ATP11B: variants seen among roughly 807,000 people sequenced by gnomAD.
ATP11B encodes the protein phospholipid-transporting ATPase IF.
In ATP11B, 81 loss-of-function variants were observed where a neutral mutation model predicts 157.8. That is an observed-to-expected ratio of 0.51 (90% CI 0.43 to 0.62). The LOEUF (loss-of-function observed/expected upper bound fraction) is 0.62. Among genes scored for constraint, ATP11B ranks in the 20% least tolerant of loss-of-function variants. The pLI, the probability that ATP11B is intolerant of heterozygous loss-of-function variation, is 0.00. For synonymous variants in ATP11B, 451 were observed against 469.4 expected, an observed-to-expected ratio of 0.96 and a Z score of 0.51; for missense variants, 1,165 against 1,402.2, an observed-to-expected ratio of 0.83 and a Z score of 2.70.
intron 2 of ATP11B, among the ~76,000 whole-genome samples, chr3:182,823,753 A>G (rs1717530831): frequency 6.6e-6 from 1 of 152,116 alleles, no homozygotes; most frequent in Admixed American, 6.5e-5. Flanking sequence ...ATGGCCATGG[A>G]ATGTTCATCC....
At chr3:182,874,111 T>A in intron 19 of ATP11B, 96 bp downstream of exon 19, 1 of 1,042,872 alleles carries the variant, frequency 9.6e-7, no homozygotes, top group Non-Finnish European at 1.4e-6. Flanking sequence ...GCCTGTTTTT[T>A]ACAGCCTATC....
intron 3 of ATP11B, 96 bp downstream of exon 3, chr3:182,828,305 C>A: frequency 1.8e-6 from 1 of 562,042 alleles, no homozygotes. Flanking sequence ...AATCATTTGA[C>A]CATGTGACCA....
chr3:182,828,054 T>C, intron 2 of ATP11B, 66 bp from the exon 3 acceptor site: 1 of 678,288 alleles, frequency 1.5e-6, no homozygotes, highest in South Asian at 4.1e-5. Flanking sequence ...ACTTTACTTC[T>C]TAATATTATG....
In ATP11B at chr3:182,837,129, T is replaced by C. The variant is rs1718615593; in HGVS notation, c.611T>C (p.Leu204Pro). 1.9e-6 allele frequency: 3 copies of C among 1,613,444 alleles called. No individual in the cohort carries two copies. The highest frequency in any genetic ancestry group is 2.5e-6 in the Non-Finnish European group (3 of 1,179,540). ...LLQTVANLDT[L>P]VAVIECQQPE... ...CAAACAGTTGCCAATTTGGACACTC[T>C]AGTAGCTGTAATAGAATGCCAGCAA... Residue 204 changes from leucine (L) to proline (P), a missense_variant, in exon 7 of 30, where the codon CTA becomes CCA. Around this residue, in one of 4 missense-constraint regions of ATP11B, gnomAD observed 737 missense variants for 930.5 expected, o/e 0.79. Coordinates refer to ENST00000323116, the MANE Select transcript of ATP11B (RefSeq NM_014616.3).
chr3:182,915,064 T>C (rs948563260), intron 29 of ATP11B: 3 of 985,380 alleles, frequency 3.0e-6, no homozygotes, highest in Non-Finnish European at 3.6e-6. Context: ...TACTCCTATC[T>C]ACTGGAAAAA....
intron 9 of ATP11B, among the ~76,000 whole-genome samples, chr3:182,846,898 G>A (rs1041244463): frequency 3.9e-5 from 6 of 152,134 alleles, no homozygotes; most frequent in Middle Eastern, 3.4e-3. Flanking sequence ...AATTATAAAC[G>A]TACTAAGTGC....
chr3:182,850,329 C>T lies in ATP11B; in HGVS notation c.851+1772C>T, dbSNP rs551780818. ...CTCTACTAAAAATACAAAAATCAGC[C>T]GGGTGTGGTGGCGGGTGCCTGTAGT... On this transcript the variant is annotated intron_variant, in intron 10 of 29. Transcript: ENST00000323116. Among the ~76,000 whole-genome samples the T allele has an allele frequency of 1.1e-4, 17 of 152,036 alleles. No individual in the cohort carries two copies. In the South Asian group the frequency reaches 2.7e-3, roughly 24 times the overall value.
At chr3:182,829,048 G>A (rs1221534046) in intron 3 of ATP11B, among the ~76,000 whole-genome samples, 2 of 152,054 alleles carry the variant, frequency 1.3e-5, no homozygotes, top group Admixed American at 6.6e-5. Flanking sequence ...AACAGACAAG[G>A]AACTTCTGAT....
chr3:182,917,992 G>A (rs779094580), intron 29 of ATP11B, 31 bp from the exon 30 acceptor site: 7 of 1,610,534 alleles, frequency 4.3e-6, no homozygotes, highest in East Asian at 2.2e-5. Flanking sequence ...AGGTCCTGGT[G>A]AGCCAAACTT....
At chr3:182,832,874 G>A (rs1333023617) in intron 4 of ATP11B, among the ~76,000 whole-genome samples, 1 of 152,158 alleles carries the variant, frequency 6.6e-6, no homozygotes, top group Non-Finnish European at 1.5e-5. Context: ...GCTGTAGCTA[G>A]CTATTCAGAG....
At chr3:182,797,563 C>T (rs1715700308) in intron 1 of ATP11B, among the ~76,000 whole-genome samples, 1 of 152,054 alleles carries the variant, frequency 6.6e-6, no homozygotes. Flanking sequence ...CGAAAATTTG[C>T]CTGGCGTGGT....
intron 19 of ATP11B, among the ~76,000 whole-genome samples, chr3:182,877,901 G>A (rs1183330238): frequency 1.3e-5 from 2 of 152,266 alleles, no homozygotes; most frequent in African/African-American, 4.8e-5. Flanking sequence ...AGCCTGTCCA[G>A]AGGAAAACCT....
intron 1 of ATP11B, among the ~76,000 whole-genome samples, chr3:182,818,350 A>C (rs1417898239): frequency 6.6e-6 from 1 of 152,250 alleles, no homozygotes; most frequent in African/African-American, 2.4e-5. Flanking sequence ...AAATTGTGAA[A>C]AATTTTAAAG....
chr3:182,838,785 T>A (rs1196930554), intron 7 of ATP11B, among the ~76,000 whole-genome samples: 2 of 145,008 alleles, frequency 1.4e-5, no homozygotes, highest in Admixed American at 1.4e-4. Flanking sequence ...GTGCTATATA[T>A]TATATATATA....
In ATP11B at chr3:182,898,647, C is replaced by T. The variant is rs1216564959; in HGVS notation, c.3193C>T (p.Gln1065Ter). 1 of 1,607,222 alleles carries T rather than the reference C, an allele frequency of 6.2e-7. No individual in the cohort carries two copies. Among genetic ancestry groups the T allele is most frequent in the Non-Finnish European group, 8.5e-7 (1 of 1,176,862 alleles). The change falls in exon 28 of 30, where the codon CAG (glutamine) becomes TAG (stop). Residue 1065 changes from glutamine (Q) to a stop codon, truncating the protein, a stop_gained. Transcript: ENST00000323116. LOFTEE classifies it high-confidence loss of function. ...CCAGAATATGTATTTTGTGTTTATT[C>T]AGCTCCTGTCAAGTGGTTCTGCTTG... ...GSQNMYFVFI[Q>*]LLSSGSAWFA...
intron 2 of ATP11B, among the ~76,000 whole-genome samples, chr3:182,822,008 G>A (rs931608970): frequency 6.6e-6 from 1 of 152,058 alleles, no homozygotes; most frequent in Admixed American, 6.5e-5. Context: ...CATACCCTTA[G>A]TGCCATCTCT....
chr3:182,895,215 A>G (rs955540059), intron 25 of ATP11B, among the ~76,000 whole-genome samples: 1 of 151,946 alleles, frequency 6.6e-6, no homozygotes, highest in Non-Finnish European at 1.5e-5. Context: ...CCCACTGATC[A>G]TCGGTATTTC....
intron 7 of ATP11B, 63 bp from the exon 8 acceptor site, chr3:182,842,012 A>G (rs1281856455): frequency 8.7e-6 from 10 of 1,153,180 alleles, no homozygotes; most frequent in African/African-American, 4.7e-5. Context: ...GGATGGTGCA[A>G]AAAAACAGCC....
intron 12 of ATP11B, among the ~76,000 whole-genome samples, chr3:182,864,147 C>T (rs1379765364): frequency 6.6e-6 from 1 of 151,918 alleles, no homozygotes; most frequent in Non-Finnish European, 1.5e-5. Flanking sequence ...CTTATATATT[C>T]TATTTTTTTT....
Sources: allele counts gnomAD v4.1 joint callset (sites outside exome capture counted in the v4.1 genomes callset), GRCh38; gene constraint gnomAD v4.1.1; regional missense constraint gnomAD v4.1.1; transcripts MANE v1.5; gene names NCBI Gene and HGNC (gene_info 2026-07-23, HGNC 2026-07-21).